THADA: variants seen among roughly 807,000 people sequenced by gnomAD.
The protein encoded by THADA is THADA armadillo repeat containing, also known as tRNA (32-2'-O)-methyltransferase regulator THADA.
A neutral mutation model predicts 219.8 loss-of-function variants in THADA; 213 were observed. The ratio of observed to expected loss-of-function variants is 0.97; its 90% CI spans 0.87 to 1.09. The LOEUF is 1.09. Among genes scored for constraint, THADA ranks in the 50% least tolerant of loss-of-function variants. The probability of loss-of-function intolerance (pLI) is 0.00; values close to 1 mark genes in which losing one functional copy is unlikely to be tolerated. For synonymous variants in THADA, 1,018 were observed against 828.9 expected (o/e 1.23, Z -3.92); for missense variants, 2,956 against 2,311.3 (o/e 1.28, Z -5.72).
At chr2:43,260,000 T>G (rs1267220056) in intron 36 of THADA, among the ~76,000 whole-genome samples, 1 of 152,252 alleles carries the variant, frequency 6.6e-6, no homozygotes, top group Non-Finnish European at 1.5e-5. Context: ...TTTTTTTCTT[T>G]TGAGATGGAG....
chr2:43,364,381 C>T (rs1173891149), intron 29 of THADA, among the ~76,000 whole-genome samples: 2 of 152,140 alleles, frequency 1.3e-5, no homozygotes, highest in African/African-American at 4.8e-5. Flanking sequence ...ACTAACGTTC[C>T]CCAAATGTTA....
chr2:43,388,582 G>C (rs1019458613), intron 29 of THADA, among the ~76,000 whole-genome samples: 1 of 152,194 alleles, frequency 6.6e-6, no homozygotes, highest in African/African-American at 2.4e-5. Flanking sequence ...ATCTGAGGGA[G>C]AGGATGTAAT....
At chr2:43,268,609 G>A (rs1558492852) in intron 36 of THADA, among the ~76,000 whole-genome samples, 1 of 152,200 alleles carries the variant, frequency 6.6e-6, no homozygotes, top group Non-Finnish European at 1.5e-5. Context: ...GTAGGATGAG[G>A]GCTTCCCAGG....
intron 21 of THADA, among the ~76,000 whole-genome samples, chr2:43,539,429 T>A (rs962073541): frequency 7.2e-5 from 11 of 152,256 alleles, no homozygotes; most frequent in African/African-American, 2.7e-4. Context: ...AGGTTATGTT[T>A]AAAAGCAGGA....
chr2:43,573,030 C>G (rs761506215), intron 11 of THADA, 38 bp from the exon 12 acceptor site: 2 of 1,511,296 alleles, frequency 1.3e-6, no homozygotes, highest in Middle Eastern at 1.8e-4. Context: ...CTGTATTATG[C>G]AATGACTACT....
At chr2:43,548,563 T>C (rs1412925199) in intron 20 of THADA, among the ~76,000 whole-genome samples, 1 of 152,204 alleles carries the variant, frequency 6.6e-6, no homozygotes, top group Non-Finnish European at 1.5e-5. Context: ...TAAGCAAGCC[T>C]GGGCAACGGT....
chr2:43,412,188 C>G (rs1431583899), intron 28 of THADA, among the ~76,000 whole-genome samples: 1 of 152,100 alleles, frequency 6.6e-6, no homozygotes, highest in Non-Finnish European at 1.5e-5. Context: ...CGTTTGAGTT[C>G]AATCAATTAA....
At chr2:43,350,194 T>G (rs1668091820) in intron 29 of THADA, among the ~76,000 whole-genome samples, 1 of 152,088 alleles carries the variant, frequency 6.6e-6, no homozygotes, top group Non-Finnish European at 1.5e-5. Context: ...CAAACAGAAC[T>G]GCAGGCAGGC....
At chr2:43,452,726 T>G (rs1324212607) in intron 26 of THADA, among the ~76,000 whole-genome samples, 1 of 152,148 alleles carries the variant, frequency 6.6e-6, no homozygotes, top group Non-Finnish European at 1.5e-5. Context: ...CCCACTGAAT[T>G]TATGGGAGTA....
In THADA at chr2:43,295,918, G is replaced by GTTT. The variant is rs35182242; in HGVS notation, c.4439-2708_4439-2706dup. Among the ~76,000 whole-genome samples the GTTT allele has an allele frequency of 4.8e-4, 62 of 128,344 alleles. 2 individuals are homozygous for GTTT. Among genetic ancestry groups the GTTT allele is most frequent in the Admixed American group, 7.3e-4 (9 of 12,374 alleles). The allele number at this position is 128,344 out of a possible 152,430, so 84.2% of individuals were successfully genotyped here. On this transcript the variant is annotated intron_variant, in intron 31 of 37. Coordinates refer to ENST00000405975, the MANE Select transcript of THADA (RefSeq NM_022065.5). ...CTGGGGCTGCAGACAAACCTCTACT[G>GTTT]TTTTTTTTTTTTTTTTTTTGAGATG...
At chr2:43,383,549 G>C (rs932103883) in intron 29 of THADA, among the ~76,000 whole-genome samples, 1 of 152,188 alleles carries the variant, frequency 6.6e-6, no homozygotes, top group Non-Finnish European at 1.5e-5. Context: ...CTAGCTGGGA[G>C]CCCCAGTACA....
chr2:43,576,799 C>T (rs112859657), intron 10 of THADA, among the ~76,000 whole-genome samples: 43 of 152,134 alleles, frequency 2.8e-4, no homozygotes, highest in African/African-American at 9.9e-4. Flanking sequence ...AGACTACAGG[C>T]GCATGCCACC....
chr2:43,373,481 C>CT (rs36010243), intron 29 of THADA, among the ~76,000 whole-genome samples: 10,063 of 146,898 alleles, frequency 0.069, 402 homozygotes, highest in South Asian at 0.19. Flanking sequence ...CAGTTGTTAA[C>CT]TTTTTTTTTT....
Position 43,386,274 on chromosome 2 carries a change from G to A in THADA, c.4227+11697C>T, listed in dbSNP as rs533632690. ...TTGATGTAGAAAAGGCACAAAATATGCATGCTATTGACAGTAACAAGAGAA... is the reference window on the plus strand; with the variant it reads ...TTGATGTAGAAAAGGCACAAAATATACATGCTATTGACAGTAACAAGAGAA... On this transcript the variant is annotated intron_variant, in intron 29 of 37. Transcript: ENST00000405975. 4.0e-5 allele frequency among the ~76,000 whole-genome samples: 6 copies of A among 151,894 alleles called. No homozygotes were observed. The South Asian group carries it at 1.2e-3, about 32-fold the overall frequency.
Position 43,450,484 on chromosome 2 carries a change from A to T in THADA, c.3837-20182T>A, listed in dbSNP as rs556426943. Among the ~76,000 whole-genome samples the T allele has an allele frequency of 2.6e-5, 4 of 152,292 alleles. No homozygotes were observed. The South Asian group carries it at 8.3e-4, about 32-fold the overall frequency. Reference sequence around the variant, plus strand: ...TTGAAACCCATGGCAGCCACAAAGAAAATAGTTATAGAATATACACAAACA... The same window carrying T: ...TTGAAACCCATGGCAGCCACAAAGATAATAGTTATAGAATATACACAAACA... On this transcript the variant is annotated intron_variant, in intron 26 of 37. Transcript: ENST00000405975.
Position 43,369,416 on chromosome 2 carries a change from T to A in THADA, c.4228-25179A>T, listed in dbSNP as rs573375027. On this transcript the variant is annotated intron_variant, in intron 29 of 37. Transcript: ENST00000405975. The stretch of plus-strand genomic sequence containing the variant: ...CTTAGTGCTCTTCATGGTCCTTTAA[T>A]CTCAAAAGCAGATTACTTTGTGACA... Among the ~76,000 whole-genome samples the A allele has an allele frequency of 8.4e-4, 128 of 152,356 alleles. No individual in the cohort carries two copies. In the Middle Eastern group the frequency reaches 0.014, roughly 16 times the overall value.
At chr2:43,539,697 C>T (rs1156596335) in intron 21 of THADA, among the ~76,000 whole-genome samples, 1 of 152,022 alleles carries the variant, frequency 6.6e-6, no homozygotes, top group South Asian at 2.1e-4. Flanking sequence ...CTCATTACAA[C>T]GGAAACTAAT....
At chr2:43,576,908 GCCTA>G in intron 10 of THADA, 110 bp downstream of exon 10, 1 of 883,928 alleles carries the variant, frequency 1.1e-6, no homozygotes. Flanking sequence ...TCTTGCCTCA[GCCTA>G]CTGGGAGGGT....
At chr2:43,381,262 C>T (rs118134757) in intron 29 of THADA, among the ~76,000 whole-genome samples, 5 of 151,942 alleles carry the variant, frequency 3.3e-5, no homozygotes, top group East Asian at 1.9e-4. Flanking sequence ...GATTATAACC[C>T]GAAGTACAAA....
Sources: allele counts gnomAD v4.1 joint callset (sites outside exome capture counted in the v4.1 genomes callset), GRCh38; gene constraint gnomAD v4.1.1; transcripts MANE v1.5; gene names NCBI Gene and HGNC (gene_info 2026-07-23, HGNC 2026-07-21).